The following GRIN2B variants were observed in gnomAD, a reference collection of about 807,000 sequenced individuals.
GRIN2B encodes glutamate receptor ionotropic, NMDA 2B.
A neutral mutation model predicts 114.5 loss-of-function variants in GRIN2B; 5 were observed. The ratio of observed to expected loss-of-function variants is 0.04; its 90% CI spans 0.02 to 0.09. The LOEUF is 0.09. Among genes scored for constraint, GRIN2B ranks in the 10% least tolerant of loss-of-function variants. The pLI, the probability that GRIN2B is intolerant of heterozygous loss-of-function variation, is 1.00. For missense variants in GRIN2B, 1,108 were observed against 1,943.5 expected, an observed-to-expected ratio of 0.57 and a Z score of 8.08; for synonymous variants, 787 against 745.1, an observed-to-expected ratio of 1.06 and a Z score of -0.92.
At chr12:13,917,517 A>C (rs1412772390) in intron 2 of GRIN2B, among the ~76,000 whole-genome samples, 1 of 152,232 alleles carries the variant, frequency 6.6e-6, no homozygotes, top group Non-Finnish European at 1.5e-5. Context: ...CATAAAGTAC[A>C]GTCCAATAGA....
At chr12:13,946,552 A>AAT (rs1310838566) in intron 2 of GRIN2B, among the ~76,000 whole-genome samples, 2 of 151,738 alleles carry the variant, frequency 1.3e-5, no homozygotes, top group African/African-American at 4.8e-5. Context: ...TTGCAACCAA[A>AAT]ATATATATAT....
chr12:13,920,803 T>C (rs1866810277), intron 2 of GRIN2B, among the ~76,000 whole-genome samples: 1 of 152,192 alleles, frequency 6.6e-6, no homozygotes, highest in African/African-American at 2.4e-5. Context: ...AAATGAAGCT[T>C]TCCTGTTCTT....
chr12:13,878,571 A>T (rs557096702), intron 2 of GRIN2B, among the ~76,000 whole-genome samples: 1 of 152,348 alleles, frequency 6.6e-6, no homozygotes, highest in South Asian at 2.1e-4. Context: ...TAAATGATAC[A>T]GATTCCTCCT....
chr12:13,921,738 A>G (rs1325024960), intron 2 of GRIN2B, among the ~76,000 whole-genome samples: 4 of 152,132 alleles, frequency 2.6e-5, no homozygotes, highest in Non-Finnish European at 5.9e-5. Context: ...GCCTACTGGG[A>G]TGCCAGATCC....
chr12:13,846,320 T>C (rs938876615), intron 3 of GRIN2B, among the ~76,000 whole-genome samples: 9 of 152,234 alleles, frequency 5.9e-5, no homozygotes, highest in Non-Finnish European at 8.8e-5. Context: ...ATCCGCTACA[T>C]TGCCCATAAG....
At chr12:13,716,900 G>GC (rs780016157) in intron 4 of GRIN2B, among the ~76,000 whole-genome samples, 6 of 151,826 alleles carry the variant, frequency 4.0e-5, no homozygotes, top group African/African-American at 7.3e-5. Flanking sequence ...GACTAAATAT[G>GC]CAAGGACTTA....
chr12:13,855,137 G>A (rs1468434767), intron 3 of GRIN2B, among the ~76,000 whole-genome samples: 1 of 151,282 alleles, frequency 6.6e-6, no homozygotes, highest in African/African-American at 2.4e-5. Context: ...AGAATCACTT[G>A]AACCTGGGAG....
chr12:13,884,339 T>C (rs1252980532), intron 2 of GRIN2B, among the ~76,000 whole-genome samples: 2 of 152,162 alleles, frequency 1.3e-5, no homozygotes, highest in African/African-American at 4.8e-5. Context: ...CTTAACAATA[T>C]TGAGTCAGAT....
chr12:13,822,873 C>T (rs1392551576), intron 3 of GRIN2B, among the ~76,000 whole-genome samples: 1 of 152,062 alleles, frequency 6.6e-6, no homozygotes, highest in African/African-American at 2.4e-5. Flanking sequence ...CTTAAAGATA[C>T]TTCTAAGGGT....
At chr12:13,703,172 G>A (rs1265106390) in intron 4 of GRIN2B, among the ~76,000 whole-genome samples, 2 of 152,112 alleles carry the variant, frequency 1.3e-5, no homozygotes, top group African/African-American at 4.8e-5. Flanking sequence ...GAAAAAGATT[G>A]TATGCAAGGG....
At chr12:13,744,930 T>C (rs952777369) in intron 4 of GRIN2B, among the ~76,000 whole-genome samples, 2 of 152,150 alleles carry the variant, frequency 1.3e-5, no homozygotes, top group Non-Finnish European at 2.9e-5. Flanking sequence ...ACAGTGCTGT[T>C]CAGATCCCTC....
intron 4 of GRIN2B, among the ~76,000 whole-genome samples, chr12:13,717,066 C>CGT (rs56360153): frequency 0.069 from 10,129 of 145,898 alleles, 461 homozygotes; most frequent in East Asian, 0.22. Context: ...ATGCCATACG[C>CGT]GTGTGTGTGT....
chr12:13,556,894 T>G lies in GRIN2B; in HGVS notation c.*5889A>C, dbSNP rs1429415815. The G allele has an allele frequency of 6.6e-6, 1 of 152,230 alleles. No individual in the cohort carries two copies. The highest frequency in any genetic ancestry group is 1.5e-5 in the Non-Finnish European group (1 of 68,036). The allele number at this position is 152,230 out of a possible 1,614,324, so 9.4% of individuals were successfully genotyped here. On this transcript the variant is annotated 3_prime_UTR_variant, in exon 14 of 14. Coordinates refer to ENST00000609686, the MANE Select transcript of GRIN2B (RefSeq NM_000834.5). ...GTGGAAGATTTCTAACTTTCCCTAC[T>G]TATTCCCAGTACTGCTATTCTAACC...
At chr12:13,768,646 C>T (rs1863846544) in intron 3 of GRIN2B, among the ~76,000 whole-genome samples, 1 of 152,194 alleles carries the variant, frequency 6.6e-6, no homozygotes, top group Non-Finnish European at 1.5e-5. Context: ...CAAATATCCT[C>T]GTAGTAAATT....
At chr12:13,718,134 A>G (rs978450813) in intron 4 of GRIN2B, among the ~76,000 whole-genome samples, 1 of 152,008 alleles carries the variant, frequency 6.6e-6, no homozygotes, top group African/African-American at 2.4e-5. Flanking sequence ...ATTCTGAGAC[A>G]TCCTCCCCCA....
chr12:13,798,420 G>C (rs1864453358), intron 3 of GRIN2B, among the ~76,000 whole-genome samples: 1 of 151,826 alleles, frequency 6.6e-6, no homozygotes, highest in Non-Finnish European at 1.5e-5. Context: ...CATTAACCTT[G>C]GATAAACCAT....
chr12:13,808,374 A>G (rs1864652123), intron 3 of GRIN2B, among the ~76,000 whole-genome samples: 1 of 152,136 alleles, frequency 6.6e-6, no homozygotes, highest in Non-Finnish European at 1.5e-5. Context: ...AGTCCAGAGG[A>G]AACCCAGCAC....
At chr12:13,971,650 C>T (rs1862918877) in intron 2 of GRIN2B, among the ~76,000 whole-genome samples, 1 of 152,140 alleles carries the variant, frequency 6.6e-6, no homozygotes, top group Non-Finnish European at 1.5e-5. Flanking sequence ...AATAGTTTTC[C>T]TACATTTACA....
At chr12:13,573,855 T>C (rs1279375794) in intron 10 of GRIN2B, among the ~76,000 whole-genome samples, 1 of 152,174 alleles carries the variant, frequency 6.6e-6, no homozygotes, top group African/African-American at 2.4e-5. Flanking sequence ...GTGCTGGCCA[T>C]GGTTAAAACT....
Sources: allele counts gnomAD v4.1 joint callset (sites outside exome capture counted in the v4.1 genomes callset), GRCh38; gene constraint gnomAD v4.1.1; transcripts MANE v1.5; gene names NCBI Gene and HGNC (gene_info 2026-07-23, HGNC 2026-07-21).